Variants in PREP observed in about 807,000 individuals in gnomAD.
PREP encodes dJ355L5.1 (prolyl endopeptidase).
A neutral mutation model predicts 87.6 loss-of-function variants in PREP; 29 were observed. That is an observed-to-expected ratio of 0.33 (90% confidence interval 0.25 to 0.45). The LOEUF (loss-of-function observed/expected upper bound fraction) is 0.45. Ranked by LOEUF, PREP falls within the 20% of genes least tolerant of loss-of-function variation. The pLI is 1.00. For synonymous variants in PREP, 337 were observed against 328.6 expected, an observed-to-expected ratio of 1.03 and a Z score of -0.28; for missense variants, 695 against 886.5, an observed-to-expected ratio of 0.78 and a Z score of 2.74.
At position 105,349,864 on chromosome 6, in the gene PREP, A is replaced by T. The variant is rs1010396043; in HGVS notation, c.823+3108T>A. On this transcript the variant is annotated intron_variant, in intron 7 of 14. Coordinates refer to ENST00000652536, the MANE Select transcript of PREP (RefSeq NM_002726.5). ...GTTAAATGTTAATTATTCTATTTTT[A>T]GTGTAAAGAGGATAACAAAATTGGG... is the stretch of plus-strand genomic sequence containing the variant. Among the ~76,000 whole-genome samples the T allele has an allele frequency of 1.1e-4, 16 of 142,452 alleles. No individual in the cohort carries two copies. In the East Asian group the frequency reaches 3.7e-3, roughly 33 times the overall value. 93.5% of individuals were successfully genotyped at this position (142,452 alleles called of 152,430 possible).
chr6:105,340,123 T>C (rs1212901804), intron 7 of PREP, among the ~76,000 whole-genome samples: 1 of 151,038 alleles, frequency 6.6e-6, no homozygotes, highest in Non-Finnish European at 1.5e-5. Context: ...AAGGAAAAAA[T>C]GTTAAGGGCA....
chr6:105,309,692 G>C (rs1472592976), intron 10 of PREP, among the ~76,000 whole-genome samples: 2 of 152,152 alleles, frequency 1.3e-5, no homozygotes, highest in African/African-American at 2.4e-5. Context: ...CTGGTGCTTG[G>C]ATTCCCTGCA....
At chr6:105,372,647 A>T (rs1772590450) in intron 5 of PREP, among the ~76,000 whole-genome samples, 1 of 152,226 alleles carries the variant, frequency 6.6e-6, no homozygotes, top group Admixed American at 6.5e-5. Flanking sequence ...AAGTATCAAG[A>T]TAAATGGCAA....
At chr6:105,396,862 C>T (rs887789174) in intron 2 of PREP, among the ~76,000 whole-genome samples, 1 of 152,040 alleles carries the variant, frequency 6.6e-6, no homozygotes, top group African/African-American at 2.4e-5. Context: ...ATTCCCCCAA[C>T]CAAGCAAACT....
chr6:105,288,180 T>G (rs968572752), intron 11 of PREP, among the ~76,000 whole-genome samples: 1 of 152,218 alleles, frequency 6.6e-6, no homozygotes, highest in African/African-American at 2.4e-5. Flanking sequence ...ACAAATCTTC[T>G]GTAGTCACGC....
At chr6:105,392,573 T>A (rs1404794477) in intron 2 of PREP, among the ~76,000 whole-genome samples, 1 of 152,192 alleles carries the variant, frequency 6.6e-6, no homozygotes, top group Non-Finnish European at 1.5e-5. Context: ...TTTTTACAAA[T>A]GTAGTTTTTG....
rs1484834115 is a variant in PREP at position 105,275,065 on chromosome 6, T to C, written c.*3079A>G. On this transcript the variant is annotated 3_prime_UTR_variant, in exon 15 of 15. Coordinates refer to ENST00000652536, the MANE Select transcript of PREP (RefSeq NM_002726.5). Reference sequence around the variant, plus strand: ...TATGGAGGATGAGAATGGCTCAATGTTCCTCCTTCAAGGGCCTCAGTCCTC... The same window carrying C: ...TATGGAGGATGAGAATGGCTCAATGCTCCTCCTTCAAGGGCCTCAGTCCTC... Among the ~76,000 whole-genome samples, 1 of 152,178 alleles carries C rather than the reference T, an allele frequency of 6.6e-6. No individual in the cohort carries two copies. Among genetic ancestry groups the C allele is most frequent in the Non-Finnish European group, 1.5e-5 (1 of 68,026 alleles).
intron 6 of PREP, among the ~76,000 whole-genome samples, chr6:105,355,279 T>C (rs746513977): frequency 2.6e-5 from 4 of 152,094 alleles, no homozygotes; most frequent in Non-Finnish European, 5.9e-5. Context: ...AGAGACGGAG[T>C]TTCACCATGT....
intron 10 of PREP, among the ~76,000 whole-genome samples, chr6:105,307,179 G>A (rs1182572395): frequency 6.6e-6 from 1 of 152,124 alleles, no homozygotes; most frequent in Admixed American, 6.5e-5. Context: ...TCCTTTTAGT[G>A]GCTTTGGCTT....
At chr6:105,378,862 T>C (rs1347361686) in intron 2 of PREP, among the ~76,000 whole-genome samples, 3 of 152,180 alleles carry the variant, frequency 2.0e-5, no homozygotes, top group East Asian at 1.9e-4. Flanking sequence ...CTTTTGGATA[T>C]ATCATCAAAC....
chr6:105,322,464 C>T, intron 10 of PREP: 1 of 985,450 alleles, frequency 1.0e-6, no homozygotes, highest in African/African-American at 1.7e-5. Context: ...TCAGGCCTGT[C>T]TGACAGAGCT....
intron 10 of PREP, chr6:105,302,730 G>A (rs760524619): frequency 5.9e-6 from 3 of 509,550 alleles, no homozygotes; most frequent in East Asian, 5.1e-5. Flanking sequence ...GTGGCGATGC[G>A]CAGCTGGGAC....
intron 2 of PREP, among the ~76,000 whole-genome samples, chr6:105,379,970 A>G (rs72933897): frequency 0.075 from 11,394 of 152,326 alleles, 580 homozygotes; most frequent in Middle Eastern, 0.13. Flanking sequence ...GTTTGCTACC[A>G]GCCCACAATG....
chr6:105,382,529 C>T (rs936044220), intron 2 of PREP, among the ~76,000 whole-genome samples: 1 of 151,902 alleles, frequency 6.6e-6, no homozygotes, highest in African/African-American at 2.4e-5. Context: ...ATACTGTTCA[C>T]TTAAAAAAAA....
At chr6:105,314,141 T>G (rs186994336) in intron 10 of PREP, among the ~76,000 whole-genome samples, 142 of 152,338 alleles carry the variant, frequency 9.3e-4, no homozygotes, top group African/African-American at 3.3e-3. Context: ...CCTACCTTAA[T>G]TTAAAAACAC....
At chr6:105,381,929 G>T (rs1772850453) in intron 2 of PREP, among the ~76,000 whole-genome samples, 1 of 152,142 alleles carries the variant, frequency 6.6e-6, no homozygotes, top group Admixed American at 6.5e-5. Context: ...TTGGAAAGGG[G>T]TGGCTTAATT....
At chr6:105,300,934 C>T (rs964493581) in intron 10 of PREP, among the ~76,000 whole-genome samples, 12 of 152,192 alleles carry the variant, frequency 7.9e-5, no homozygotes, top group African/African-American at 2.9e-4. Context: ...GTGCAAAGAT[C>T]AACTGTCTCT....
At chr6:105,362,596 T>C (rs1772282984) in intron 6 of PREP, among the ~76,000 whole-genome samples, 1 of 152,260 alleles carries the variant, frequency 6.6e-6, no homozygotes, top group African/African-American at 2.4e-5. Context: ...GTTTTATGTA[T>C]GAAGAGCGGC....
intron 1 of PREP, among the ~76,000 whole-genome samples, chr6:105,402,510 G>A (rs1329063049): frequency 6.6e-6 from 1 of 151,844 alleles, no homozygotes; most frequent in African/African-American, 2.4e-5. Flanking sequence ...AAGAGGCTTC[G>A]CCAGTCAAAA....
Sources: allele counts gnomAD v4.1 joint callset (sites outside exome capture counted in the v4.1 genomes callset), GRCh38; gene constraint gnomAD v4.1.1; transcripts MANE v1.5; gene names NCBI Gene and HGNC (gene_info 2026-07-23, HGNC 2026-07-21).